Variants in IL1RAPL1 observed in about 807,000 individuals in gnomAD.
The protein encoded by IL1RAPL1 is interleukin 1 receptor accessory protein like 1.
IL1RAPL1 carries 3 observed loss-of-function variants against 48.4 expected under a neutral mutation model. The observed-to-expected ratio is 0.06, with a 90% CI of 0.03 to 0.16. The LOEUF is 0.16. Ranked by LOEUF, IL1RAPL1 falls within the 10% of genes least tolerant of loss-of-function variation. The probability of loss-of-function intolerance (pLI) is 1.00; values close to 1 mark genes in which losing one functional copy is unlikely to be tolerated. For missense variants in IL1RAPL1, 349 were observed against 530.6 expected (o/e 0.66, Z 3.36); for synonymous variants, 185 against 187.7 (o/e 0.99, Z 0.12).
intron 1 of IL1RAPL1, among the ~76,000 whole-genome samples, chrX:28,755,105 T>A (rs974421364): frequency 6.3e-5 from 7 of 111,786 alleles, no homozygotes; most frequent in Non-Finnish European, 1.3e-4. Flanking sequence ...GCGATTCTCC[T>A]GCCTCAGCCT....
At chrX:29,012,510 C>T (rs756943274) in intron 2 of IL1RAPL1, among the ~76,000 whole-genome samples, 1 of 111,678 alleles carries the variant, frequency 9.0e-6, no homozygotes, top group Non-Finnish European at 1.9e-5. Context: ...TGCCATTGAA[C>T]TCCAGCCTGG....
rs780395566 is a variant in IL1RAPL1 at position 29,950,844 on chromosome X, A to T, written c.1202-3678A>T. Among the ~76,000 whole-genome samples, 3 of 108,964 alleles carry T rather than the reference A, an allele frequency of 2.8e-5. No homozygotes were observed. The East Asian group carries it at 8.7e-4, about 31-fold the overall frequency. 94.6% of individuals were successfully genotyped at this position (108,964 alleles called of 115,157 possible). A position where few individuals can be genotyped will look rare whatever the true frequency, so the allele number is the denominator to read the frequency against. ...GGCGCCCGCAACCACGCCTGGCTAA[A>T]TTTTTTTGTATTTTTAGTAGAGACG... On this transcript the variant is annotated intron_variant, in intron 9 of 10. Coordinates refer to ENST00000378993, the MANE Select transcript of IL1RAPL1 (RefSeq NM_014271.4).
rs765665213 is a variant in IL1RAPL1 at position 29,901,172 on chromosome X, A to ACACAT, written c.779-16288_779-16284dup. Among the ~76,000 whole-genome samples, 67 of 111,976 alleles carry ACACAT rather than the reference A, an allele frequency of 6.0e-4. No homozygotes were observed. In the East Asian group the frequency reaches 0.014, roughly 24 times the overall value. ...ATAAAGGAAATGACCAGGAAATTGC[A>ACACAT]CACATCACTTCTTCATACATCTCGT... On this transcript the variant is annotated intron_variant, in intron 6 of 10. Coordinates refer to ENST00000378993, the MANE Select transcript of IL1RAPL1 (RefSeq NM_014271.4).
intron 2 of IL1RAPL1, among the ~76,000 whole-genome samples, chrX:28,839,535 A>T (rs1921312342): frequency 9.0e-6 from 1 of 110,516 alleles, no homozygotes; most frequent in African/African-American, 3.3e-5. Context: ...ACTTTTAATT[A>T]TATGTGATAC....
At chrX:29,153,641 C>T (rs1357423787) in intron 2 of IL1RAPL1, among the ~76,000 whole-genome samples, 4 of 112,283 alleles carry the variant, frequency 3.6e-5, no homozygotes, top group South Asian at 3.6e-4. Flanking sequence ...TGAGATCCAG[C>T]GATTAGCCTA....
intron 6 of IL1RAPL1, among the ~76,000 whole-genome samples, chrX:29,797,935 G>A (rs184220824): frequency 3.6e-5 from 4 of 111,643 alleles, no homozygotes; most frequent in Admixed American, 9.5e-5. Flanking sequence ...AAATCTCAGC[G>A]CCCCAAGCCA....
At chrX:29,186,519 A>C (rs1300232786) in intron 2 of IL1RAPL1, among the ~76,000 whole-genome samples, 1 of 111,602 alleles carries the variant, frequency 9.0e-6, no homozygotes, top group Non-Finnish European at 1.9e-5. Flanking sequence ...AAAGGAAAGA[A>C]AGATAGAATA....
At chrX:29,559,997 AT>A (rs1922136937) in intron 5 of IL1RAPL1, among the ~76,000 whole-genome samples, 1 of 111,597 alleles carries the variant, frequency 9.0e-6, no homozygotes, top group African/African-American at 3.3e-5. Context: ...TGAGTTTTAT[AT>A]TTTTATATGT....
intron 6 of IL1RAPL1, among the ~76,000 whole-genome samples, chrX:29,791,311 C>G (rs148725057): frequency 2.4e-3 from 268 of 111,517 alleles, no homozygotes; most frequent in African/African-American, 8.3e-3. Flanking sequence ...ATAATTCATG[C>G]TGTTTACAGA....
At chrX:29,495,237 A>T (rs1258008634) in intron 5 of IL1RAPL1, among the ~76,000 whole-genome samples, 1 of 112,062 alleles carries the variant, frequency 8.9e-6, no homozygotes, top group African/African-American at 3.2e-5. Context: ...TTGAAAATAC[A>T]ACTAGAGTTT....
At chrX:28,688,052 C>A (rs185811813) in intron 1 of IL1RAPL1, among the ~76,000 whole-genome samples, 1 of 98,025 alleles carries the variant, frequency 1.0e-5, no homozygotes, top group African/African-American at 3.9e-5. Context: ...TGCAGTGAGC[C>A]GAGACTGCGT....
intron 2 of IL1RAPL1, among the ~76,000 whole-genome samples, chrX:28,983,731 G>A (rs995298270): frequency 9.0e-6 from 1 of 111,571 alleles, no homozygotes; most frequent in Non-Finnish European, 1.9e-5. Context: ...TATCCACTGA[G>A]TAGCTTTGAC....
At chrX:28,971,719 AGT>A (rs1925075748) in intron 2 of IL1RAPL1, among the ~76,000 whole-genome samples, 1 of 111,235 alleles carries the variant, frequency 9.0e-6, no homozygotes, top group Non-Finnish European at 1.9e-5. Flanking sequence ...TACGTGAGAG[AGT>A]GTGTGTGTTC....
At chrX:29,617,765 T>C (rs1924333011) in intron 5 of IL1RAPL1, among the ~76,000 whole-genome samples, 1 of 112,073 alleles carries the variant, frequency 8.9e-6, no homozygotes, top group Non-Finnish European at 1.9e-5. Context: ...TTTTCATCAG[T>C]TATTTAAGTA....
intron 2 of IL1RAPL1, among the ~76,000 whole-genome samples, chrX:28,975,253 C>A (rs1032976099): frequency 1.1e-4 from 12 of 111,769 alleles, no homozygotes; most frequent in Non-Finnish European, 1.1e-4. Context: ...ACTCCCTGCC[C>A]CTTCTGCAAC....
chrX:29,542,044 T>C (rs1260230020), intron 5 of IL1RAPL1, among the ~76,000 whole-genome samples: 9 of 111,741 alleles, frequency 8.1e-5, no homozygotes, highest in Non-Finnish European at 1.7e-4. Flanking sequence ...TGATCTCTGG[T>C]AAAGTCATGA....
intron 6 of IL1RAPL1, among the ~76,000 whole-genome samples, chrX:29,742,010 T>C (rs142381653): frequency 2.8e-5 from 3 of 108,411 alleles, no homozygotes; most frequent in African/African-American, 6.8e-5. Context: ...CAGCACAGCA[T>C]TGATGCATTT....
intron 5 of IL1RAPL1, among the ~76,000 whole-genome samples, chrX:29,402,417 C>T (rs534106720): frequency 8.9e-6 from 1 of 111,896 alleles, no homozygotes; most frequent in Non-Finnish European, 1.9e-5. Flanking sequence ...TTGCATCAAA[C>T]TATTTAATGA....
At chrX:29,145,255 A>G (rs1409204513) in intron 2 of IL1RAPL1, among the ~76,000 whole-genome samples, 1 of 111,953 alleles carries the variant, frequency 8.9e-6, no homozygotes, top group East Asian at 2.8e-4. Context: ...GCCATTAATG[A>G]TGCCTTATGA....
Sources: allele counts gnomAD v4.1 joint callset (sites outside exome capture counted in the v4.1 genomes callset), GRCh38; gene constraint gnomAD v4.1.1; transcripts MANE v1.5; gene names NCBI Gene and HGNC (gene_info 2026-07-23, HGNC 2026-07-21).